Variants in SEC22A observed in about 807,000 individuals in gnomAD.
SEC22A encodes the protein vesicle-trafficking protein SEC22a.
Under a neutral mutation model 35.3 loss-of-function variants are expected in SEC22A, and 22 were observed. The observed-to-expected ratio is 0.62, with a 90% confidence interval of 0.45 to 0.89. The LOEUF (loss-of-function observed/expected upper bound fraction) is 0.89. Among genes scored for constraint, SEC22A ranks in the 40% least tolerant of loss-of-function variants. The pLI, the probability that SEC22A is intolerant of heterozygous loss-of-function variation, is 0.00. For synonymous variants in SEC22A, 119 were observed against 129.5 expected (o/e 0.92, Z 0.55); for missense variants, 354 against 362.5 (o/e 0.98, Z 0.19).
At chr3:123,204,227 A>G (rs1350832016) in intron 1 of SEC22A, among the ~76,000 whole-genome samples, 1 of 152,204 alleles carries the variant, frequency 6.6e-6, no homozygotes, top group African/African-American at 2.4e-5. Context: ...AAAACTTAAC[A>G]TCTCAAAACT....
chr3:123,215,234 G>A (rs1043140157), intron 2 of SEC22A, among the ~76,000 whole-genome samples: 1 of 152,176 alleles, frequency 6.6e-6, no homozygotes, highest in African/African-American at 2.4e-5. Context: ...GGTAGTGGTG[G>A]AGCTGGCTTC....
rs1937561888 is a variant in SEC22A at position 123,245,883 on chromosome 3, T to G, written c.542-16T>G. ...GGTATTGGTGTTCATTTCTAACTATTTCTTTTATTTTCCAGCTCACCAGCG... is the reference window on the plus strand; with the variant it reads ...GGTATTGGTGTTCATTTCTAACTATGTCTTTTATTTTCCAGCTCACCAGCG... On this transcript the variant is annotated splice_polypyrimidine_tract_variant and intron_variant, in intron 4 of 6. Transcript: ENST00000492595. 2 of 1,429,948 alleles carry G rather than the reference T, an allele frequency of 1.4e-6. No individual in the cohort carries two copies. The highest frequency in any genetic ancestry group is 1.4e-5 in the African/African-American group (1 of 70,832). The allele number at this position is 1,429,948 out of a possible 1,614,324, so 88.6% of individuals were successfully genotyped here. A position where few individuals can be genotyped will look rare whatever the true frequency, so the allele number is the denominator to read the frequency against.
rs935549850 is a variant in SEC22A, at chr3:123,271,604, A to G, written c.806A>G (p.Tyr269Cys). Residue 269 changes from tyrosine (Y) to cysteine (C), a missense_variant, in exon 7 of 7, where the codon TAT becomes TGT. Transcript: ENST00000492595. ...TFGLICLCNM[Y>C]LYELRNLWQL... ...GGCTTAATCTGTCTATGCAACATGTATCTCTATGAACTGCGCAACCTCTGG... is the reference window on the plus strand; with the variant it reads ...GGCTTAATCTGTCTATGCAACATGTGTCTCTATGAACTGCGCAACCTCTGG... The G allele has an allele frequency of 3.7e-5, 59 of 1,614,070 alleles. No homozygotes were observed. The highest frequency in any genetic ancestry group is 4.3e-5 in the Non-Finnish European group (51 of 1,180,036).
rs183362554 is a variant in SEC22A at position 123,265,396 on chromosome 3, T to A, written c.723+5807T>A. ...ATCCTTTCCCAGTCTATGTTTTTTT[T>A]TAAAAAAAAATGGTTTCAGATCAGT... On this transcript the variant is annotated intron_variant, in intron 6 of 6. Coordinates refer to ENST00000492595, the MANE Select transcript of SEC22A (RefSeq NM_012430.5). 2.9e-3 allele frequency among the ~76,000 whole-genome samples: 437 copies of A among 151,386 alleles called. 4 individuals are homozygous for A. The highest frequency in any genetic ancestry group is 9.8e-3 in the African/African-American group (405 of 41,310).
chr3:123,206,267 AT>A (rs575263656), intron 1 of SEC22A, among the ~76,000 whole-genome samples: 6 of 151,718 alleles, frequency 4.0e-5, no homozygotes, highest in African/African-American at 1.5e-4. Context: ...CTGATTTTTA[AT>A]TTTTTTTATA....
chr3:123,264,551 C>T (rs1313986397), intron 6 of SEC22A, among the ~76,000 whole-genome samples: 1 of 150,994 alleles, frequency 6.6e-6, no homozygotes, highest in Non-Finnish European at 1.5e-5. Flanking sequence ...TGTTTAACAT[C>T]ATTAGCTAAT....
rs777028985 is a variant in SEC22A, at chr3:123,259,525, G to A, written c.659G>A (p.Ser220Asn). 1.9e-6 allele frequency: 3 copies of A among 1,611,514 alleles called. No homozygotes were observed. Among genetic ancestry groups the A allele is most frequent in the South Asian group, 1.1e-5 (1 of 90,816 alleles). The change falls in exon 6 of 7, where the codon AGT (serine) becomes AAT (asparagine). Residue 220 changes from serine (S) to asparagine (N), a missense_variant and splice_region_variant. Physicochemically the swap from Ser to Asn is conservative, Grantham distance 46. Coordinates refer to ENST00000492595, the MANE Select transcript of SEC22A (RefSeq NM_012430.5). ...GFHAIESLLQ[S>N]DGDDFNYIIA... ...TAATCTTTTATTTTGCTTTTGCAGAGTGATGGTGATGATTTTAATTACATC... is the reference window on the plus strand; with the variant it reads ...TAATCTTTTATTTTGCTTTTGCAGAATGATGGTGATGATTTTAATTACATC...
In SEC22A at chr3:123,260,433, G is replaced by A. The variant is rs965105702; in HGVS notation, c.723+844G>A. The stretch of plus-strand genomic sequence containing the variant: ...ATGGCAGTGAGGATAGAAAAAAATA[G>A]ACATTGAGAAGGAAGACTCACTGGG... On this transcript the variant is annotated intron_variant, in intron 6 of 6. Transcript: ENST00000492595. 3.3e-5 allele frequency among the ~76,000 whole-genome samples: 5 copies of A among 152,142 alleles called. No homozygotes were observed. The East Asian group carries it at 9.6e-4, about 29-fold the overall frequency.
At position 123,239,801 on chromosome 3, in the gene SEC22A, G is replaced by T. The variant is rs537799043; in HGVS notation, c.542-6098G>T. On this transcript the variant is annotated intron_variant, in intron 4 of 6. Coordinates refer to ENST00000492595, the MANE Select transcript of SEC22A (RefSeq NM_012430.5). ...GTTGCCTGTTCACTCTGATGGTAGT[G>T]TCTTTTGCTGTGCAGAAGCTCTTTA... is the stretch of plus-strand genomic sequence containing the variant. Among the ~76,000 whole-genome samples the T allele has an allele frequency of 1.2e-4, 19 of 152,090 alleles. No homozygotes were observed. In the East Asian group the frequency reaches 3.5e-3, roughly 28 times the overall value.
At chr3:123,243,180 T>G (rs576242519) in intron 4 of SEC22A, among the ~76,000 whole-genome samples, 1 of 150,688 alleles carries the variant, frequency 6.6e-6, no homozygotes, top group African/African-American at 2.4e-5. Flanking sequence ...TAAATCCCAG[T>G]TCACGTACTT....
chr3:123,238,348 C>G (rs955359048), intron 4 of SEC22A, among the ~76,000 whole-genome samples: 1 of 152,050 alleles, frequency 6.6e-6, no homozygotes, highest in Non-Finnish European at 1.5e-5. Flanking sequence ...CAGGTGCATG[C>G]CACCATGCAT....
intron 5 of SEC22A, among the ~76,000 whole-genome samples, chr3:123,253,974 TAAAATA>T (rs1576500969): frequency 6.6e-6 from 1 of 151,256 alleles, no homozygotes; most frequent in Non-Finnish European, 1.5e-5. Context: ...TATAAATAAA[TAAAATA>T]AAAATAACAA....
chr3:123,248,603 A>C (rs1937585193), intron 5 of SEC22A, among the ~76,000 whole-genome samples: 1 of 152,226 alleles, frequency 6.6e-6, no homozygotes, highest in Non-Finnish European at 1.5e-5. Flanking sequence ...AAATGGAGAG[A>C]TATTCCATGT....
intron 2 of SEC22A, among the ~76,000 whole-genome samples, chr3:123,221,331 T>C (rs1294963527): frequency 6.6e-6 from 1 of 151,062 alleles, no homozygotes; most frequent in African/African-American, 2.4e-5. Context: ...ATTAGCCAGG[T>C]GTGGTGGTGT....
rs1471718421 is a variant in SEC22A, at chr3:123,209,152, G to A, written c.-19-47G>A. 6.2e-6 allele frequency: 9 copies of A among 1,448,926 alleles called. No homozygotes were observed. The African/African-American group carries it at 7.0e-5, about 11-fold the overall frequency. 89.8% of individuals were successfully genotyped at this position (1,448,926 alleles called of 1,614,324 possible). A position where few individuals can be genotyped will look rare whatever the true frequency, so the allele number is the denominator to read the frequency against. Reference sequence around the variant, plus strand: ...GAACATTTTTACATATGCTTATCAAGTTTGGCTTTAATTTTTATGTAACCC... The same window carrying A: ...GAACATTTTTACATATGCTTATCAAATTTGGCTTTAATTTTTATGTAACCC... On this transcript the variant is annotated intron_variant, in intron 1 of 6. Transcript: ENST00000492595.
chr3:123,267,723 T>C (rs1427123811), intron 6 of SEC22A, among the ~76,000 whole-genome samples: 1 of 152,220 alleles, frequency 6.6e-6, no homozygotes, highest in East Asian at 1.9e-4. Flanking sequence ...TTTAGAGAGC[T>C]TCCTCTAACC....
chr3:123,204,330 A>G (rs778369067), intron 1 of SEC22A, among the ~76,000 whole-genome samples: 3 of 152,224 alleles, frequency 2.0e-5, no homozygotes, highest in Non-Finnish European at 4.4e-5. Context: ...GTGGATGAAG[A>G]TAATTCTGAA....
intron 5 of SEC22A, among the ~76,000 whole-genome samples, chr3:123,250,806 A>T (rs965796980): frequency 6.6e-6 from 1 of 152,188 alleles, no homozygotes; most frequent in Non-Finnish European, 1.5e-5. Context: ...CTCACCTAGG[A>T]TAGCTTGATG....
intron 5 of SEC22A, among the ~76,000 whole-genome samples, chr3:123,246,877 G>A (rs1299463331): frequency 1.3e-5 from 2 of 152,242 alleles, no homozygotes; most frequent in South Asian, 2.1e-4. Context: ...TTAGTTTGGG[G>A]AACCCTCAGA....
Sources: gnomAD v4.1 joint callset for allele counts (sites outside exome capture counted in the v4.1 genomes callset) on GRCh38, gnomAD v4.1.1 for gene constraint, MANE v1.5 for transcripts, NCBI Gene and HGNC (gene_info 2026-07-23, HGNC 2026-07-21) for gene names.